CNOT1: variants seen among roughly 807,000 people sequenced by gnomAD.
CNOT1 encodes CCR4-NOT transcription complex subunit 1.
A neutral mutation model predicts 273.8 loss-of-function variants in CNOT1; 15 were observed. The ratio of observed to expected loss-of-function variants is 0.05; its 90% CI spans 0.04 to 0.08. The LOEUF (loss-of-function observed/expected upper bound fraction) is 0.08. Ranked by LOEUF, CNOT1 falls within the 10% of genes least tolerant of loss-of-function variation. The probability of loss-of-function intolerance (pLI) is 1.00; values close to 1 mark genes in which losing one functional copy is unlikely to be tolerated. For missense variants in CNOT1, 1,644 were observed against 2,912.2 expected, an observed-to-expected ratio of 0.56 and a Z score of 10.02; for synonymous variants, 1,022 against 1,005.5, an observed-to-expected ratio of 1.02 and a Z score of -0.31.
chr16:58,615,802 C>T (rs2043053890), intron 1 of CNOT1, among the ~76,000 whole-genome samples: 1 of 124,844 alleles, frequency 8.0e-6, no homozygotes, highest in Admixed American at 7.9e-5. Flanking sequence ...AAACAGCAGG[C>T]CAGACACAGT....
At chr16:58,583,256 G>A in intron 8 of CNOT1, 74 bp from the exon 9 acceptor site, 2 of 1,580,738 alleles carry the variant, frequency 1.3e-6, no homozygotes, top group Non-Finnish European at 1.7e-6. Flanking sequence ...GGCATTAAAT[G>A]AACCTTGTTT....
intron 1 of CNOT1, 23 bp from the exon 2 acceptor site, chr16:58,599,534 A>C: frequency 1.7e-6 from 1 of 601,730 alleles, no homozygotes; most frequent in Non-Finnish European, 2.8e-6. Flanking sequence ...ACACACACAC[A>C]CAAATCCAGA....
chr16:58,557,502 G>A (rs888128856), intron 18 of CNOT1, among the ~76,000 whole-genome samples: 2 of 152,170 alleles, frequency 1.3e-5, no homozygotes, highest in Non-Finnish European at 1.5e-5. Context: ...GAAGCATACA[G>A]TAGCAACGCT....
In CNOT1 at chr16:58,577,646, T is replaced by C. The variant is rs147770143; in HGVS notation, c.1584+1053A>G. On this transcript the variant is annotated intron_variant, in intron 13 of 48. Coordinates refer to ENST00000317147, the MANE Select transcript of CNOT1 (RefSeq NM_016284.5). ...GTATCATATAATGTAGGATATTAGC[T>C]TGGGAAACAGGGCAAGACTCTGTCT... is the stretch of plus-strand genomic sequence containing the variant. 3.9e-3 allele frequency among the ~76,000 whole-genome samples: 601 copies of C among 152,156 alleles called. 7 individuals carry two copies. The highest frequency in any genetic ancestry group is 0.012 in the East Asian group (60 of 5,176).
chr16:58,539,502 C>CACACAGACACACAA (rs2040020707), intron 35 of CNOT1, among the ~76,000 whole-genome samples: 1 of 123,914 alleles, frequency 8.1e-6, no homozygotes, highest in African/African-American at 2.8e-5. Flanking sequence ...CAGACACACA[C>CACACAGACACACAA]ACCCCTCTAA....
intron 31 of CNOT1, chr16:58,543,023 G>A (rs2040141358): frequency 5.1e-6 from 5 of 975,880 alleles, no homozygotes; most frequent in African/African-American, 1.7e-5. Flanking sequence ...AACCTCAGAG[G>A]TGGAGGATGC....
intron 35 of CNOT1, 57 bp downstream of exon 35, chr16:58,539,711 G>A (rs1027186539): frequency 6.1e-6 from 9 of 1,484,890 alleles, no homozygotes; most frequent in Non-Finnish European, 8.2e-6. Flanking sequence ...TGGTGGTGCA[G>A]GTCAATAAAT....
chr16:58,600,162 T>C (rs986239732), intron 1 of CNOT1, among the ~76,000 whole-genome samples: 5 of 151,198 alleles, frequency 3.3e-5, no homozygotes, highest in Non-Finnish European at 5.9e-5. Context: ...CTGGCCAACA[T>C]GGTGAAACCC....
intron 16 of CNOT1, among the ~76,000 whole-genome samples, chr16:58,570,160 GGA>G (rs781042072): frequency 5.0e-4 from 76 of 152,230 alleles, no homozygotes; most frequent in Non-Finnish European, 9.1e-4. Context: ...AGATACAGGA[GGA>G]ATTAGGATAT....
At chr16:58,529,274 A>G (rs1254260111) in intron 43 of CNOT1, among the ~76,000 whole-genome samples, 3 of 152,324 alleles carry the variant, frequency 2.0e-5, no homozygotes, top group East Asian at 1.9e-4. Flanking sequence ...AACTTTTAAT[A>G]TAAGTTTAAA....
At position 58,546,505 on chromosome 16, in the gene CNOT1, A is replaced by G; in HGVS notation, c.3829-7T>C. 9 of 1,606,068 alleles carry G rather than the reference A, an allele frequency of 5.6e-6. No individual in the cohort carries two copies. The highest frequency in any genetic ancestry group is 1.7e-5 in the Admixed American group (1 of 57,898). ...TTTCAAACTTCAAGTTTAACTGCAC[A>G]GTTCCAGAGTTGGATTAGAATTTTT... On this transcript the variant is annotated splice_region_variant and splice_polypyrimidine_tract_variant and intron_variant, in intron 28 of 48. Coordinates refer to ENST00000317147, the MANE Select transcript of CNOT1 (RefSeq NM_016284.5).
intron 39 of CNOT1, among the ~76,000 whole-genome samples, chr16:58,535,311 C>A (rs950432022): frequency 3.9e-5 from 6 of 152,168 alleles, no homozygotes; most frequent in Non-Finnish European, 8.8e-5. Context: ...AGAATGCCAG[C>A]ATGGCAAAGG....
chr16:58,614,045 T>C (rs2042993721), intron 1 of CNOT1, among the ~76,000 whole-genome samples: 1 of 105,838 alleles, frequency 9.4e-6, no homozygotes, highest in Non-Finnish European at 2.1e-5. Context: ...TGAGCCAAGA[T>C]CGCGCCACTG....
intron 46 of CNOT1, among the ~76,000 whole-genome samples, chr16:58,524,609 C>T (rs1188341284): frequency 1.3e-5 from 2 of 151,914 alleles, no homozygotes; most frequent in Non-Finnish European, 2.9e-5. Flanking sequence ...AGTAGTGTCC[C>T]CCTAAAATAT....
At chr16:58,580,364 G>A (rs796723546) in intron 12 of CNOT1, among the ~76,000 whole-genome samples, 1 of 149,406 alleles carries the variant, frequency 6.7e-6, no homozygotes, top group African/African-American at 2.4e-5. Flanking sequence ...GGAGAAAGGA[G>A]GAAGTACAAA....
intron 1 of CNOT1, among the ~76,000 whole-genome samples, chr16:58,608,926 G>A (rs1224374360): frequency 6.6e-6 from 1 of 152,204 alleles, no homozygotes; most frequent in Non-Finnish European, 1.5e-5. Context: ...AGGATGCAAA[G>A]GCGTAAGAAT....
intron 1 of CNOT1, among the ~76,000 whole-genome samples, chr16:58,618,962 G>C (rs545373066): frequency 2.0e-5 from 3 of 152,270 alleles, no homozygotes; most frequent in East Asian, 1.9e-4. Context: ...GGAGGCTAAG[G>C]TGGGAGGATT....
intron 42 of CNOT1, 23 bp from the exon 43 acceptor site, chr16:58,530,370 A>C (rs999200563): frequency 7.0e-6 from 11 of 1,569,658 alleles, no homozygotes; most frequent in Non-Finnish European, 9.6e-6. Context: ...AATGTACATG[A>C]GTCATAATTA....
chr16:58,626,435 A>G (rs1364290146), intron 1 of CNOT1, among the ~76,000 whole-genome samples: 1 of 144,738 alleles, frequency 6.9e-6, no homozygotes, highest in Non-Finnish European at 1.5e-5. Flanking sequence ...AAAAAAAGAT[A>G]TACCAAGTTC....
Sources: allele counts gnomAD v4.1 joint callset (sites outside exome capture counted in the v4.1 genomes callset), GRCh38; gene constraint gnomAD v4.1.1; transcripts MANE v1.5; gene names NCBI Gene and HGNC (gene_info 2026-07-23, HGNC 2026-07-21).